The following RIT2 variants were observed in gnomAD, a reference collection of about 807,000 sequenced individuals.
RIT2 encodes GTP-binding protein Rit2.
In RIT2, 24 loss-of-function variants were observed where a neutral mutation model predicts 23.7. The observed-to-expected ratio is 1.01, with a 90% CI of 0.73 to 1.43. RIT2 has a LOEUF of 1.43. Among genes scored for constraint, RIT2 ranks in the 40% most tolerant of loss-of-function variants. RIT2 has a pLI of 0.00. For synonymous variants in RIT2, 107 were observed against 91.1 expected, an observed-to-expected ratio of 1.17 and a Z score of -0.99; for missense variants, 236 against 266.9, an observed-to-expected ratio of 0.88 and a Z score of 0.81.
intron 3 of RIT2, among the ~76,000 whole-genome samples, chr18:42,940,824 C>G (rs1033432254): frequency 1.3e-5 from 2 of 152,122 alleles, no homozygotes; most frequent in African/African-American, 4.8e-5. Flanking sequence ...CCACTTAACT[C>G]TTAATTCTGA....
chr18:42,820,578 C>A (rs117905192), intron 4 of RIT2, among the ~76,000 whole-genome samples: 400 of 152,200 alleles, frequency 2.6e-3, no homozygotes, highest in Non-Finnish European at 3.8e-3. Context: ...CCCTGGCTTT[C>A]TTCTTAATGG....
intron 4 of RIT2, among the ~76,000 whole-genome samples, chr18:42,861,227 C>T (rs1230298387): frequency 6.6e-6 from 1 of 152,196 alleles, no homozygotes; most frequent in South Asian, 2.1e-4. Context: ...CCTCCACTTA[C>T]AGCTACTCTC....
At chr18:42,995,717 A>C (rs1161120126) in intron 2 of RIT2, among the ~76,000 whole-genome samples, 1 of 152,200 alleles carries the variant, frequency 6.6e-6, no homozygotes, top group Non-Finnish European at 1.5e-5. Flanking sequence ...CTCAGAATTC[A>C]GTCCTGTCCT....
intron 4 of RIT2, among the ~76,000 whole-genome samples, chr18:42,917,621 T>TTGTA (rs1392591661): frequency 1.3e-5 from 2 of 152,156 alleles, no homozygotes; most frequent in East Asian, 3.9e-4. Flanking sequence ...TAGAAATGTA[T>TTGTA]TCATACCACA....
At chr18:42,763,476 A>AC (rs397746371) in intron 4 of RIT2, among the ~76,000 whole-genome samples, 2 of 150,216 alleles carry the variant, frequency 1.3e-5, no homozygotes, top group Admixed American at 6.6e-5. Context: ...AAAAAAAAAA[A>AC]GGTACACCTG....
At chr18:43,093,633 T>C (rs1913477268) in intron 1 of RIT2, among the ~76,000 whole-genome samples, 1 of 151,988 alleles carries the variant, frequency 6.6e-6, no homozygotes. Context: ...TAGAAGGTAA[T>C]GCTTTCTTCT....
At chr18:42,854,015 A>G (rs1317928146) in intron 4 of RIT2, among the ~76,000 whole-genome samples, 3 of 152,216 alleles carry the variant, frequency 2.0e-5, no homozygotes, top group African/African-American at 7.2e-5. Context: ...CTGGTAGCTT[A>G]GTACATGGTT....
intron 4 of RIT2, among the ~76,000 whole-genome samples, chr18:42,807,165 A>G (rs1021629849): frequency 6.6e-6 from 1 of 152,184 alleles, no homozygotes; most frequent in African/African-American, 2.4e-5. Context: ...ATTTCAAAAA[A>G]GAAAGCCATT....
At chr18:43,099,257 T>A (rs535918635) in intron 1 of RIT2, among the ~76,000 whole-genome samples, 1 of 152,040 alleles carries the variant, frequency 6.6e-6, no homozygotes, top group Non-Finnish European at 1.5e-5. Context: ...ACATCTATAC[T>A]GCATATTAAA....
At chr18:42,959,953 A>G (rs2144184834) in intron 3 of RIT2, among the ~76,000 whole-genome samples, 1 of 152,370 alleles carries the variant, frequency 6.6e-6, no homozygotes, top group East Asian at 1.9e-4. Flanking sequence ...GAAAAGATGA[A>G]TGAGATTATG....
intron 4 of RIT2, among the ~76,000 whole-genome samples, chr18:42,836,403 G>A (rs1044659543): frequency 3.9e-5 from 6 of 151,964 alleles, no homozygotes; most frequent in African/African-American, 1.5e-4. Context: ...CTCCACTTAG[G>A]AGCCCATGTG....
intron 2 of RIT2, among the ~76,000 whole-genome samples, chr18:42,977,688 T>C (rs919224892): frequency 6.6e-6 from 1 of 151,622 alleles, no homozygotes; most frequent in Non-Finnish European, 1.5e-5. Context: ...GACATACATA[T>C]AAACACATAT....
At chr18:42,919,915 G>C (rs986758429) in intron 4 of RIT2, among the ~76,000 whole-genome samples, 2 of 152,128 alleles carry the variant, frequency 1.3e-5, no homozygotes, top group African/African-American at 4.8e-5. Context: ...AAGACCTTGG[G>C]AGCTCAAGGA....
intron 1 of RIT2, among the ~76,000 whole-genome samples, chr18:43,047,181 A>G (rs983189181): frequency 6.6e-6 from 1 of 151,592 alleles, no homozygotes; most frequent in African/African-American, 2.4e-5. Flanking sequence ...TCCTTTCTCA[A>G]TGTCATATAT....
chr18:43,077,761 C>T (rs950070705), intron 1 of RIT2, among the ~76,000 whole-genome samples: 1 of 152,182 alleles, frequency 6.6e-6, no homozygotes, highest in African/African-American at 2.4e-5. Flanking sequence ...ACAGCCTGAA[C>T]AAAGTCTATG....
intron 4 of RIT2, among the ~76,000 whole-genome samples, chr18:42,844,195 C>A (rs1445914389): frequency 6.6e-6 from 1 of 152,132 alleles, no homozygotes; most frequent in East Asian, 1.9e-4. Context: ...TGCCTGCAAC[C>A]CCAAAGCCCT....
intron 4 of RIT2, among the ~76,000 whole-genome samples, chr18:42,911,580 C>T (rs534983992): frequency 5.9e-5 from 9 of 152,062 alleles, no homozygotes; most frequent in African/African-American, 2.2e-4. Flanking sequence ...TATCTTACAA[C>T]ATTATGTTAT....
chr18:42,905,195 A>T (rs1908578727), intron 4 of RIT2, among the ~76,000 whole-genome samples: 1 of 152,194 alleles, frequency 6.6e-6, no homozygotes, highest in Non-Finnish European at 1.5e-5. Flanking sequence ...GTTTAATAAT[A>T]GATCAATAGA....
intron 4 of RIT2, among the ~76,000 whole-genome samples, chr18:42,767,067 G>A (rs1598645756): frequency 2.0e-5 from 3 of 152,368 alleles, no homozygotes; most frequent in East Asian, 1.9e-4. Context: ...TAGTGCAGAA[G>A]AGAAGTGTGG....
Sources: allele counts gnomAD v4.1 joint callset (sites outside exome capture counted in the v4.1 genomes callset), GRCh38; gene constraint gnomAD v4.1.1; transcripts MANE v1.5; gene names NCBI Gene and HGNC (gene_info 2026-07-23, HGNC 2026-07-21).